SND1: variants seen among roughly 807,000 people sequenced by gnomAD.
SND1 encodes staphylococcal nuclease and tudor domain containing 1.
SND1 carries 38 observed loss-of-function variants against 121.7 expected under a neutral mutation model. The observed-to-expected ratio is 0.31, with a 90% CI of 0.24 to 0.41. The LOEUF (loss-of-function observed/expected upper bound fraction) is 0.41, where lower values mean the gene tolerates loss of function less well. SND1 is among the 10% of genes least tolerant of loss of function. The pLI, the probability that SND1 is intolerant of heterozygous loss-of-function variation, is 1.00. For synonymous variants in SND1, 401 were observed against 447.4 expected, an observed-to-expected ratio of 0.90 and a Z score of 1.31; for missense variants, 868 against 1,184.6, an observed-to-expected ratio of 0.73 and a Z score of 3.92.
chr7:127,934,938 A>C (rs1304180895), intron 15 of SND1, among the ~76,000 whole-genome samples: 1 of 152,170 alleles, frequency 6.6e-6, no homozygotes, highest in Non-Finnish European at 1.5e-5. Flanking sequence ...CAGAGAAGAT[A>C]CGGTCAGAGC....
At chr7:127,982,239 G>A (rs1257056369) in intron 15 of SND1, among the ~76,000 whole-genome samples, 4 of 152,194 alleles carry the variant, frequency 2.6e-5, no homozygotes, top group African/African-American at 9.7e-5. Flanking sequence ...GCATTGTGAA[G>A]ACTTGGTTTT....
rs116750131 is a variant in SND1 at position 127,968,697 on chromosome 7, T to C, written c.1670-22250T>C. ...GGAGGAAAGAGCACACAGGATGCAA[T>C]TGTGTTTCACAAAGCCAGTTCCTTT... On this transcript the variant is annotated intron_variant, in intron 15 of 23. Coordinates refer to ENST00000354725, the MANE Select transcript of SND1 (RefSeq NM_014390.4). 9.8e-5 allele frequency among the ~76,000 whole-genome samples: 15 copies of C among 152,336 alleles called. No homozygotes were observed. The East Asian group carries it at 2.3e-3, about 23-fold the overall frequency.
intron 15 of SND1, 65 bp downstream of exon 15, chr7:127,929,394 CT>C: frequency 1.3e-6 from 2 of 1,546,762 alleles, no homozygotes; most frequent in Non-Finnish European, 1.8e-6. Flanking sequence ...ACATACCCTC[CT>C]TTCCCCCTGT....
rs574714244 is a variant in SND1, at chr7:128,089,613, A to G, written c.2543A>G (p.Lys848Arg). 6.2e-7 allele frequency: 1 copy of G among 1,614,144 alleles called. No individual in the cohort carries two copies. The highest frequency in any genetic ancestry group is 1.7e-5 in the Admixed American group (1 of 60,022). ...GTCACCCTGCAGTTTGCAGATTCCA[A>G]GGGCGATGTGGGGCTGGGCTTGGTG... ...PHVTLQFADS[K>R]GDVGLGLVKE... Residue 848 changes from lysine to arginine, a missense_variant, in exon 22 of 24, where the codon AAG (lysine) becomes AGG (arginine). Lys to Arg is a conservative substitution (Grantham distance 26). Coordinates refer to ENST00000354725, the MANE Select transcript of SND1 (RefSeq NM_014390.4).
intron 10 of SND1, among the ~76,000 whole-genome samples, chr7:127,723,265 C>T (rs1796527384): frequency 6.6e-6 from 1 of 152,172 alleles, no homozygotes; most frequent in Non-Finnish European, 1.5e-5. Flanking sequence ...GATGCATTTC[C>T]CTTAGCCTAC....
In SND1 at chr7:127,840,293, G is replaced by A. The variant is rs550599895; in HGVS notation, c.1243-4031G>A. Among the ~76,000 whole-genome samples, 26 of 152,244 alleles carry A rather than the reference G, an allele frequency of 1.7e-4. No individual in the cohort carries two copies. In the East Asian group the frequency reaches 2.9e-3, roughly 17 times the overall value. On this transcript the variant is annotated intron_variant, in intron 11 of 23. Coordinates refer to ENST00000354725, the MANE Select transcript of SND1 (RefSeq NM_014390.4). ...TCTGATGTTCTAATCTAGTGCTCTC[G>A]TTTTTAAGGTCAAGGGAAACTGAGA...
At chr7:127,673,102 C>G (rs943638747) in intron 1 of SND1, among the ~76,000 whole-genome samples, 1 of 147,796 alleles carries the variant, frequency 6.8e-6, no homozygotes. Flanking sequence ...AATATATATC[C>G]TTCGGTAGGA....
At chr7:128,054,995 G>A (rs944747630) in intron 16 of SND1, among the ~76,000 whole-genome samples, 3 of 152,218 alleles carry the variant, frequency 2.0e-5, no homozygotes, top group Non-Finnish European at 2.9e-5. Context: ...TATTCTAATA[G>A]GATGGATATC....
At chr7:127,657,584 C>G (rs1294440556) in intron 1 of SND1, among the ~76,000 whole-genome samples, 7 of 152,154 alleles carry the variant, frequency 4.6e-5, no homozygotes, top group African/African-American at 1.4e-4. Flanking sequence ...CCTTGAACTC[C>G]TGGGCTCAAG....
At chr7:128,022,903 T>C (rs559981410) in intron 16 of SND1, among the ~76,000 whole-genome samples, 164 of 152,278 alleles carry the variant, frequency 1.1e-3, no homozygotes, top group African/African-American at 3.7e-3. Flanking sequence ...AAAGCTGGCG[T>C]GTACCAGAGG....
chr7:127,839,436 C>T (rs1294652049), intron 11 of SND1, among the ~76,000 whole-genome samples: 1 of 152,094 alleles, frequency 6.6e-6, no homozygotes, highest in Non-Finnish European at 1.5e-5. Flanking sequence ...CAGTTGTTTT[C>T]CTTCCTACCT....
chr7:127,817,786 C>T (rs1370365917), intron 11 of SND1, among the ~76,000 whole-genome samples: 6 of 145,054 alleles, frequency 4.1e-5, no homozygotes, highest in Admixed American at 1.4e-4. Context: ...TCCTGGTTCC[C>T]CATGTAAAGT....
intron 15 of SND1, among the ~76,000 whole-genome samples, chr7:127,960,612 A>G (rs967892780): frequency 1.3e-5 from 2 of 152,234 alleles, no homozygotes; most frequent in Admixed American, 6.5e-5. Context: ...GAGGTTCTCC[A>G]TTCAGCTATA....
intron 15 of SND1, among the ~76,000 whole-genome samples, chr7:127,964,001 C>T (rs952542581): frequency 6.6e-6 from 1 of 151,852 alleles, no homozygotes; most frequent in Non-Finnish European, 1.5e-5. Flanking sequence ...TCTCTGATGG[C>T]CAGTGATGAT....
intron 13 of SND1, among the ~76,000 whole-genome samples, chr7:127,901,199 A>C (rs1191313176): frequency 6.6e-6 from 1 of 152,166 alleles, no homozygotes; most frequent in Non-Finnish European, 1.5e-5. Flanking sequence ...GGAGAACCCC[A>C]CTGAGAAGTG....
Position 127,883,729 on chromosome 7 carries a change from G to A in SND1, c.1344-4173G>A, listed in dbSNP as rs779917334. 4.6e-5 allele frequency among the ~76,000 whole-genome samples: 7 copies of A among 152,136 alleles called. 1 individual carries two copies. The highest frequency in any genetic ancestry group is 8.8e-5 in the Non-Finnish European group (6 of 68,014). On this transcript the variant is annotated intron_variant, in intron 12 of 23. Transcript: ENST00000354725. ...AAGAAAACGATCTAGTTCAGAATCA[G>A]GTGTTGCAGTTAGAGGTCATGTCAC...
chr7:128,087,059 TG>T lies in SND1; in HGVS notation c.2418+10del, dbSNP rs1235845823. ...ATCCAGGTGCCCCAAGATGTGAGTC[TG>T]GAGTCTTCCTCCTTCCAAAGGGGAC... On this transcript the variant is annotated intron_variant, in intron 21 of 23. Coordinates refer to ENST00000354725, the MANE Select transcript of SND1 (RefSeq NM_014390.4). 8.1e-6 allele frequency: 13 copies of T among 1,608,394 alleles called. No individual in the cohort carries two copies. The highest frequency in any genetic ancestry group is 1.1e-5 in the Non-Finnish European group (13 of 1,175,116).
At chr7:127,889,998 T>C (rs1251334729) in intron 13 of SND1, among the ~76,000 whole-genome samples, 1 of 152,280 alleles carries the variant, frequency 6.6e-6, no homozygotes, top group East Asian at 1.9e-4. Context: ...GGAGTACAGA[T>C]ATCTCTTCGA....
chr7:127,819,155 G>A (rs759866815), intron 11 of SND1, among the ~76,000 whole-genome samples: 4 of 152,160 alleles, frequency 2.6e-5, no homozygotes, highest in South Asian at 2.1e-4. Context: ...CAAAATGGAA[G>A]GAACTGTTTT....
Sources: allele counts gnomAD v4.1 joint callset (sites outside exome capture counted in the v4.1 genomes callset), GRCh38; gene constraint gnomAD v4.1.1; transcripts MANE v1.5; gene names NCBI Gene and HGNC (gene_info 2026-07-23, HGNC 2026-07-21).